Variants in MTF2 observed in about 807,000 individuals in gnomAD.
The protein encoded by MTF2 is metal response element binding transcription factor 2.
MTF2 carries 11 observed loss-of-function variants against 79.5 expected under a neutral mutation model. The observed-to-expected ratio is 0.14, with a 90% confidence interval of 0.09 to 0.23. MTF2 has a LOEUF of 0.23. MTF2 is among the 10% of genes least tolerant of loss of function. The pLI, the probability that MTF2 is intolerant of heterozygous loss-of-function variation, is 1.00. For synonymous variants in MTF2, 208 were observed against 232.8 expected, an observed-to-expected ratio of 0.89 and a Z score of 0.97; for missense variants, 486 against 711.2, an observed-to-expected ratio of 0.68 and a Z score of 3.60.
At chr1:93,129,084 C>G (rs766710136) in intron 10 of MTF2, 194 bp from the exon 11 acceptor site, 1 of 395,024 alleles carries the variant, frequency 2.5e-6, no homozygotes, top group Non-Finnish European at 4.6e-6. Context: ...GGTCCTATCC[C>G]TTCCTCCCCA....
chr1:93,131,465 G>A (rs569486181), intron 11 of MTF2, among the ~76,000 whole-genome samples: 4 of 152,260 alleles, frequency 2.6e-5, no homozygotes, highest in South Asian at 2.1e-4. Flanking sequence ...CCAAATTTAC[G>A]TGTCAAACTG....
intron 1 of MTF2, among the ~76,000 whole-genome samples, chr1:93,105,633 A>G (rs1175385331): frequency 1.3e-5 from 2 of 152,122 alleles, no homozygotes; most frequent in African/African-American, 2.4e-5. Context: ...TAGGGACCCA[A>G]AAATGATTTG....
intron 1 of MTF2, among the ~76,000 whole-genome samples, chr1:93,084,150 G>A (rs976475564): frequency 7.3e-5 from 11 of 150,982 alleles, no homozygotes; most frequent in Admixed American, 7.3e-4. Context: ...CATCTATTTT[G>A]AGTCAATTTT....
At chr1:93,086,628 T>C (rs550566350) in intron 1 of MTF2, among the ~76,000 whole-genome samples, 1 of 152,182 alleles carries the variant, frequency 6.6e-6, no homozygotes, top group Admixed American at 6.5e-5. Flanking sequence ...AATCTTGAGA[T>C]GCAAAGACAT....
intron 1 of MTF2, among the ~76,000 whole-genome samples, chr1:93,109,356 CAG>C (rs1485152803): frequency 2.0e-5 from 3 of 151,548 alleles, no homozygotes; most frequent in Non-Finnish European, 2.9e-5. Flanking sequence ...TTTTTTGAGA[CAG>C]AGTCTTGCTC....
At chr1:93,120,307 A>G (rs1003438540) in intron 8 of MTF2, 39 of 236,890 alleles carry the variant, frequency 1.6e-4, no homozygotes, top group Non-Finnish European at 2.5e-4. Context: ...CCAAGAAAAA[A>G]AAAAAAAAAA....
intron 1 of MTF2, among the ~76,000 whole-genome samples, chr1:93,106,025 A>AT (rs939638153): frequency 1.3e-5 from 2 of 152,134 alleles, no homozygotes; most frequent in African/African-American, 4.8e-5. Flanking sequence ...AATCTCAGTA[A>AT]TTTTTTCCTG....
intron 1 of MTF2, among the ~76,000 whole-genome samples, chr1:93,106,461 A>AT (rs78128436): frequency 4.2e-4 from 59 of 140,476 alleles, no homozygotes; most frequent in African/African-American, 7.1e-4. Context: ...GGCTTTGGCT[A>AT]TTTTTTTTTT....
chr1:93,122,900 G>A (rs1004240303), intron 9 of MTF2, among the ~76,000 whole-genome samples: 3 of 151,984 alleles, frequency 2.0e-5, no homozygotes, highest in Non-Finnish European at 2.9e-5. Context: ...TGTTTATTCA[G>A]TGTTTTTCAT....
At chr1:93,086,117 T>C (rs1654823382) in intron 1 of MTF2, among the ~76,000 whole-genome samples, 2 of 152,218 alleles carry the variant, frequency 1.3e-5, no homozygotes, top group African/African-American at 4.8e-5. Context: ...TATAATCTTA[T>C]GGGACCACTG....
chr1:93,096,157 T>G (rs1355176293), intron 1 of MTF2, among the ~76,000 whole-genome samples: 2 of 152,270 alleles, frequency 1.3e-5, no homozygotes, highest in African/African-American at 4.8e-5. Flanking sequence ...TATATTGTGA[T>G]TTAGAATTTC....
intron 3 of MTF2, among the ~76,000 whole-genome samples, chr1:93,112,950 T>A (rs1656088934): frequency 6.6e-6 from 1 of 152,198 alleles, no homozygotes; most frequent in African/African-American, 2.4e-5. Context: ...GTCAGGCACC[T>A]CCCCTCGCGG....
intron 1 of MTF2, among the ~76,000 whole-genome samples, chr1:93,095,747 C>A (rs1655263457): frequency 6.6e-6 from 1 of 151,690 alleles, no homozygotes; most frequent in South Asian, 2.1e-4. Context: ...CCTCCACCTC[C>A]CAAGTTTAAA....
intron 1 of MTF2, among the ~76,000 whole-genome samples, chr1:93,106,192 T>TA (rs1165004505): frequency 6.6e-6 from 1 of 151,852 alleles, no homozygotes; most frequent in African/African-American, 2.4e-5. Flanking sequence ...GATGGAAAAA[T>TA]AAAAAAATGT....
At chr1:93,107,840 G>A (rs913075194) in intron 1 of MTF2, among the ~76,000 whole-genome samples, 1 of 151,816 alleles carries the variant, frequency 6.6e-6, no homozygotes, top group Non-Finnish European at 1.5e-5. Flanking sequence ...GAGTGCAGTG[G>A]CACAATCACA....
At chr1:93,103,818 C>T (rs1032359526) in intron 1 of MTF2, among the ~76,000 whole-genome samples, 2 of 152,246 alleles carry the variant, frequency 1.3e-5, no homozygotes, top group East Asian at 1.9e-4. Context: ...AAATGTGCAA[C>T]GATGTTTATC....
rs752487729 is a variant in MTF2 at position 93,136,951 on chromosome 1, G to A, written c.1706G>A (p.Arg569Gln). ...AGAATAGCATGTGGCGAAAAATACC[G>A]AGTTTTGGCACGTCGGGTGACACTT... ...AGRIACGEKY[R>Q]VLARRVTLDG... Residue 569 changes from arginine (R) to glutamine (Q), a missense_variant, in exon 15 of 15, where the codon CGA (arginine) becomes CAA (glutamine). By Grantham distance (43) the Arg-to-Gln change is conservative. This residue lies in a region of MTF2 where 25 missense variants were observed against 56.8 expected (regional missense o/e 0.44). Transcript: ENST00000370298. The A allele has an allele frequency of 1.7e-5, 27 of 1,614,034 alleles. No individual in the cohort carries two copies. The Middle Eastern group carries it at 4.9e-4, about 30-fold the overall frequency.
intron 1 of MTF2, among the ~76,000 whole-genome samples, chr1:93,105,012 C>T (rs1025019706): frequency 3.3e-5 from 5 of 151,766 alleles, no homozygotes; most frequent in Admixed American, 1.3e-4. Flanking sequence ...GGTGTAGTGG[C>T]GGGCGCCTGT....
intron 7 of MTF2, among the ~76,000 whole-genome samples, chr1:93,118,826 T>A (rs1281635058): frequency 6.6e-6 from 1 of 152,222 alleles, no homozygotes; most frequent in Non-Finnish European, 1.5e-5. Context: ...CTTTCTATAT[T>A]AGAAGAATGC....
Sources: gnomAD v4.1 joint callset for allele counts (sites outside exome capture counted in the v4.1 genomes callset) on GRCh38, gnomAD v4.1.1 for gene constraint, gnomAD v4.1.1 regional missense constraint, MANE v1.5 for transcripts, NCBI Gene and HGNC (gene_info 2026-07-23, HGNC 2026-07-21) for gene names.